Variants in ABCA4 observed in about 807,000 individuals in gnomAD.
The protein encoded by ABCA4 is ATP binding cassette subfamily A member 4.
ABCA4 carries 196 observed loss-of-function variants against 263.7 expected under a neutral mutation model. That is an observed-to-expected ratio of 0.74 (90% confidence interval 0.66 to 0.84). ABCA4 has a LOEUF of 0.84. Ranked by LOEUF, ABCA4 falls within the 40% of genes least tolerant of loss-of-function variation. ABCA4 has a pLI of 0.00. For missense variants in ABCA4, 2,792 were observed against 2,855.1 expected, an observed-to-expected ratio of 0.98 and a Z score of 0.50; for synonymous variants, 1,133 against 1,094.2, an observed-to-expected ratio of 1.04 and a Z score of -0.70.
At position 94,119,357 on chromosome 1, in the gene ABCA4, T is replaced by C. The variant is rs911464713; in HGVS notation, c.66+1623A>G. Among the ~76,000 whole-genome samples, 3 of 152,164 alleles carry C rather than the reference T, an allele frequency of 2.0e-5. No homozygotes were observed. In the East Asian group the frequency reaches 5.8e-4, roughly 29 times the overall value. ...TCCCAGACAAGTCAGGTTTAACTTG[T>C]CTCTTCCCCCTGCAGCCTCCCTGCG... On this transcript the variant is annotated intron_variant, in intron 1 of 49. Coordinates refer to ENST00000370225, the MANE Select transcript of ABCA4 (RefSeq NM_000350.3).
intron 28 of ABCA4, 55 bp from the exon 29 acceptor site, chr1:94,030,581 C>A: frequency 6.7e-7 from 1 of 1,501,178 alleles, no homozygotes; most frequent in Non-Finnish European, 9.3e-7. Flanking sequence ...CAACATCATG[C>A]AACTCAGAGC....
intron 18 of ABCA4, among the ~76,000 whole-genome samples, chr1:94,048,394 A>G (rs1570379554): frequency 6.6e-6 from 1 of 152,250 alleles, no homozygotes; most frequent in African/African-American, 2.4e-5. Flanking sequence ...CTGTCAGGAA[A>G]GGCTTCTGAT....
rs753058962 is a variant in ABCA4 at position 94,062,632 on chromosome 1, C to G, written c.1882G>C (p.Ala628Pro). 6.2e-7 allele frequency: 1 copy of G among 1,614,168 alleles called. No homozygotes were observed. The highest frequency in any genetic ancestry group is 2.2e-5 in the East Asian group (1 of 44,878). The change falls in exon 13 of 50, where the codon GCT (alanine) becomes CCT (proline). Residue 628 changes from alanine to proline, a missense_variant. By Grantham distance (27) the Ala-to-Pro change is conservative. Coordinates refer to ENST00000370225, the MANE Select transcript of ABCA4 (RefSeq NM_000350.3). ...GITRSQVQAE[A>P]PVGIYLQQMP... is the part of the protein sequence containing the mutation. Reference sequence around the variant, plus strand: ...TGCTGGAGGTAGATTCCAACTGGAGCCTCCGCCTGCACCTGGCTCCTTGTG... The same window carrying G: ...TGCTGGAGGTAGATTCCAACTGGAGGCTCCGCCTGCACCTGGCTCCTTGTG...
At position 94,000,888 on chromosome 1, in the gene ABCA4, T is replaced by A. The variant is rs1286076948; in HGVS notation, c.6427A>T (p.Met2143Leu). ...ATACATCGAAAGGCGCCCTTTACCA[T>A]GATGGCCAGCCGGGTACACAGTGCC... ...CEALCTRLAI[M>L]VKGAFRCMGT... The change falls in exon 47 of 50, where the codon ATG (methionine) becomes TTG (leucine). Residue 2143 changes from methionine (M) to leucine (L), a missense_variant. Coordinates refer to ENST00000370225, the MANE Select transcript of ABCA4 (RefSeq NM_000350.3). 1 of 1,614,076 alleles carries A rather than the reference T, an allele frequency of 6.2e-7. No homozygotes were observed. The highest frequency in any genetic ancestry group is 2.2e-5 in the East Asian group (1 of 44,892).
rs1280893607 is a variant in ABCA4, at chr1:94,108,582, A to G, written c.437T>C (p.Ile146Thr). 3.7e-6 allele frequency: 6 copies of G among 1,613,414 alleles called. No individual in the cohort carries two copies. Among genetic ancestry groups the G allele is most frequent in the East Asian group, 4.5e-5 (2 of 44,886 alleles). ...MDTLRTHPER[I>T]AGRGIRIRDI... ...AGCACTGCAGTCATGCTTACCTGCA[A>G]TTCTCTCCGGGTGAGTCCGGAGGGT... The change falls in exon 4 of 50, where the codon ATT becomes ACT. Residue 146 changes from isoleucine to threonine, a missense_variant. Transcript: ENST00000370225.
intron 23 of ABCA4, among the ~76,000 whole-genome samples, chr1:94,040,818 CTCT>C (rs1250806671): frequency 6.6e-6 from 1 of 152,090 alleles, no homozygotes; most frequent in Non-Finnish European, 1.5e-5. Flanking sequence ...CCAAGGAGGC[CTCT>C]TCTTAGTTTT....
rs1660178203 is a variant in ABCA4, at chr1:94,030,856, C to T, written c.4253+140G>A. 8.4e-6 allele frequency: 11 copies of T among 1,313,512 alleles called. No individual in the cohort carries two copies. In the South Asian group the frequency reaches 1.3e-4, roughly 15 times the overall value. 81.4% of individuals were successfully genotyped at this position (1,313,512 alleles called of 1,614,324 possible). On this transcript the variant is annotated intron_variant, in intron 28 of 49. Transcript: ENST00000370225. The stretch of plus-strand genomic sequence containing the variant: ...AGTGGCAGATACATTAAGTTCCTTT[C>T]TGCAGGCAGCCCAAAGACCCCTCCC...
chr1:94,025,424 T>C (rs1015283765), intron 30 of ABCA4: 7 of 375,146 alleles, frequency 1.9e-5, no homozygotes, highest in African/African-American at 1.4e-4. Context: ...GCAGCCAGCT[T>C]GAACTATAAA....
chr1:94,034,096 G>A (rs1660278452), intron 26 of ABCA4, among the ~76,000 whole-genome samples: 1 of 152,130 alleles, frequency 6.6e-6, no homozygotes, highest in South Asian at 2.1e-4. Flanking sequence ...CTTCAGAAGT[G>A]GCATTGACCC....
In ABCA4 at chr1:94,051,720, C is replaced by T. The variant is rs764071468; in HGVS notation, c.2588-22G>A. On this transcript the variant is annotated intron_variant, in intron 16 of 49. Coordinates refer to ENST00000370225, the MANE Select transcript of ABCA4 (RefSeq NM_000350.3). ...TCTCCTAAAAATAGAGACAAATAAACAGAGAAAGTCGAAGGAGTCTCCCTA... is the reference window on the plus strand; with the variant it reads ...TCTCCTAAAAATAGAGACAAATAAATAGAGAAAGTCGAAGGAGTCTCCCTA... The T allele has an allele frequency of 3.1e-6, 5 of 1,591,660 alleles. No homozygotes were observed. In the East Asian group the frequency reaches 1.1e-4, roughly 36 times the overall value.
At chr1:94,040,306 G>A (rs1350074955) in intron 23 of ABCA4, among the ~76,000 whole-genome samples, 179 bp from the exon 24 acceptor site, 1 of 152,088 alleles carries the variant, frequency 6.6e-6, no homozygotes. Flanking sequence ...GGGTGTAGTC[G>A]CTTGATTTTA....
chr1:94,015,095 C>A (rs893316165), intron 37 of ABCA4, among the ~76,000 whole-genome samples: 1 of 152,164 alleles, frequency 6.6e-6, no homozygotes, highest in African/African-American at 2.4e-5. Context: ...TTCCCAAATT[C>A]TCTATTTCCA....
intron 36 of ABCA4, among the ~76,000 whole-genome samples, chr1:94,017,455 A>G (rs992447881): frequency 6.6e-6 from 1 of 152,246 alleles, no homozygotes; most frequent in African/African-American, 2.4e-5. Context: ...CAAAGTGTCA[A>G]GACCATGAGT....
In ABCA4 at chr1:94,112,989, G is replaced by T. The variant is rs1353129534; in HGVS notation, c.144C>A (p.Leu48=). The T allele has an allele frequency of 1.2e-5, 20 of 1,613,690 alleles. No individual in the cohort carries two copies. The highest frequency in any genetic ancestry group is 1.7e-5 in the Non-Finnish European group (20 of 1,179,608). The part of the protein sequence containing the change: ...VLIWLRNANP[L]YSHHECHFPN... ...TATGCTTACATTCATGATGGCTGTAGAGTGGGTTGGCATTCCTTAACCAGA... is the reference window on the plus strand; with the variant it reads ...TATGCTTACATTCATGATGGCTGTATAGTGGGTTGGCATTCCTTAACCAGA... The change falls in exon 2 of 50, where the codon CTC becomes CTA. Residue 48 remains leucine, a synonymous_variant. Coordinates refer to ENST00000370225, the MANE Select transcript of ABCA4 (RefSeq NM_000350.3).
intron 15 of ABCA4, 31 bp from the exon 16 acceptor site, chr1:94,055,346 G>A (rs375115391): frequency 6.2e-7 from 1 of 1,608,098 alleles, no homozygotes; most frequent in African/African-American, 1.3e-5. Context: ...CACAGAAAAA[G>A]AGCAGTGCCT....
At chr1:94,011,145 C>A (rs1487766652) in intron 39 of ABCA4, 117 bp downstream of exon 39, 9 of 1,582,628 alleles carry the variant, frequency 5.7e-6, no homozygotes, top group Non-Finnish European at 7.8e-6. Flanking sequence ...ACCTCCAGCC[C>A]AACAAGGTCC....
Position 94,043,408 on chromosome 1 carries a change from G to C in ABCA4, c.3118C>G (p.Leu1040Val). ...LKGKSQEEAQ[L>V]EMEAMLEDTG... ...TCCTCCAACATGGCTTCCATCTCCA[G>C]CTGGGCCTCCTCCTGGGACTTTCCT... The change falls in exon 21 of 50, where the codon CTG becomes GTG. Residue 1040 changes from leucine to valine, a missense_variant. Coordinates refer to ENST00000370225, the MANE Select transcript of ABCA4 (RefSeq NM_000350.3). 1 of 1,614,150 alleles carries C rather than the reference G, an allele frequency of 6.2e-7. No homozygotes were observed.
chr1:94,102,548 G>A (rs525749), intron 5 of ABCA4, among the ~76,000 whole-genome samples: 151,491 of 151,992 alleles, frequency 1, 75,497 homozygotes, highest in Middle Eastern at 1. Context: ...TTTCCTTGCA[G>A]CACCCATCAC....
rs376897138 is a variant in ABCA4, at chr1:94,046,866, GC to G, written c.2918+52del. 46 of 1,598,720 alleles carry G rather than the reference GC, an allele frequency of 2.9e-5. No individual in the cohort carries two copies. The African/African-American group carries it at 4.4e-4, about 15-fold the overall frequency. On this transcript the variant is annotated intron_variant, in intron 19 of 49. Transcript: ENST00000370225. ...ACAGCCGCTGATAGGGAAAGACTAA[GC>G]CAGGAAATGACAGGCTAGCATGGCA...
Sources: gnomAD v4.1 joint callset for allele counts (sites outside exome capture counted in the v4.1 genomes callset) on GRCh38, gnomAD v4.1.1 for gene constraint, MANE v1.5 for transcripts, NCBI Gene and HGNC (gene_info 2026-07-23, HGNC 2026-07-21) for gene names.